DLG2: variants seen among roughly 807,000 people sequenced by gnomAD.
DLG2 encodes disks large homolog 2.
DLG2 carries 45 observed loss-of-function variants against 132.5 expected under a neutral mutation model. That is an observed-to-expected ratio of 0.34 (90% confidence interval 0.27 to 0.44). The LOEUF is 0.44. DLG2 is among the 20% of genes least tolerant of loss of function. The pLI, the probability that DLG2 is intolerant of heterozygous loss-of-function variation, is 1.00. For missense variants in DLG2, 1,045 were observed against 1,196.9 expected (o/e 0.87, Z 1.87); for synonymous variants, 424 against 419.6 (o/e 1.01, Z -0.13).
intron 18 of DLG2, among the ~76,000 whole-genome samples, chr11:83,772,975 A>G (rs957812343): frequency 2.0e-5 from 3 of 152,226 alleles, no homozygotes; most frequent in Admixed American, 2.0e-4. Context: ...GAACCCACAT[A>G]TTATGTTAGC....
intron 6 of DLG2, among the ~76,000 whole-genome samples, chr11:85,010,100 G>T (rs924183850): frequency 2.6e-5 from 4 of 152,156 alleles, no homozygotes; most frequent in Middle Eastern, 3.4e-3. Context: ...TTGGAGGAAC[G>T]GAGCCAAAAC....
intron 6 of DLG2, among the ~76,000 whole-genome samples, chr11:84,738,615 G>C (rs1419678474): frequency 2.0e-5 from 3 of 152,134 alleles, no homozygotes; most frequent in Admixed American, 2.0e-4. Context: ...TAAAACTTGG[G>C]AGTTTAACAA....
intron 6 of DLG2, among the ~76,000 whole-genome samples, chr11:84,692,729 C>G (rs138389928): frequency 6.6e-6 from 1 of 151,634 alleles, no homozygotes; most frequent in Admixed American, 6.6e-5. Context: ...TGATTCTTAA[C>G]CAGGCTTCAC....
At chr11:83,855,887 T>C (rs1470940757) in intron 16 of DLG2, among the ~76,000 whole-genome samples, 1 of 152,028 alleles carries the variant, frequency 6.6e-6, no homozygotes, top group Non-Finnish European at 1.5e-5. Flanking sequence ...ATAGGTAAAC[T>C]TGTTTGTTGT....
At chr11:84,078,145 C>T (rs2096853355) in intron 10 of DLG2, among the ~76,000 whole-genome samples, 1 of 152,012 alleles carries the variant, frequency 6.6e-6, no homozygotes, top group African/African-American at 2.4e-5. Context: ...CAAAATCAGT[C>T]CATGTTTCCA....
chr11:84,590,447 C>T (rs916426882), intron 6 of DLG2, among the ~76,000 whole-genome samples: 1 of 152,254 alleles, frequency 6.6e-6, no homozygotes, highest in South Asian at 2.1e-4. Context: ...TTCCTGACAG[C>T]GCCTTCATGC....
At position 85,317,467 on chromosome 11, in the gene DLG2, A is replaced by G. The variant is rs570567478; in HGVS notation, c.41-32102T>C. ...CCTAACCTAGAAAGAAATGAGTAAAAGAAAATTAAAGAATATGCTGTCTAA... is the reference window on the plus strand; with the variant it reads ...CCTAACCTAGAAAGAAATGAGTAAAGGAAAATTAAAGAATATGCTGTCTAA... On this transcript the variant is annotated intron_variant, in intron 3 of 27. Transcript: ENST00000376104. Among the ~76,000 whole-genome samples, 315 of 152,054 alleles carry G rather than the reference A, an allele frequency of 2.1e-3. 2 individuals carry two copies. Among genetic ancestry groups the G allele is most frequent in the Non-Finnish European group, 4.1e-3 (276 of 67,896 alleles).
chr11:85,352,502 G>T (rs1466793877), intron 3 of DLG2, among the ~76,000 whole-genome samples: 3 of 152,036 alleles, frequency 2.0e-5, no homozygotes, highest in African/African-American at 7.2e-5. Flanking sequence ...GTGATGTTAG[G>T]ATTGATTTTA....
Position 84,606,280 on chromosome 11 carries a change from G to A in DLG2, c.358-71549C>T, listed in dbSNP as rs1053305975. Reference sequence around the variant, plus strand: ...ATATTAGGGAAGTGGATAAACCGCAGCATATTCATGGAATTTTATGCGTAC... The same window carrying A: ...ATATTAGGGAAGTGGATAAACCGCAACATATTCATGGAATTTTATGCGTAC... On this transcript the variant is annotated intron_variant, in intron 6 of 27. Coordinates refer to ENST00000376104, the MANE Select transcript of DLG2 (RefSeq NM_001142699.3). Among the ~76,000 whole-genome samples the A allele has an allele frequency of 4.1e-4, 63 of 152,202 alleles. 1 individual carries two copies. Among genetic ancestry groups the A allele is most frequent in the African/African-American group, 1.5e-3 (62 of 41,564 alleles).
chr11:84,071,753 T>A (rs769217973), intron 10 of DLG2, among the ~76,000 whole-genome samples: 1 of 152,176 alleles, frequency 6.6e-6, no homozygotes, highest in Non-Finnish European at 1.5e-5. Flanking sequence ...TTGTCTACAT[T>A]TAAAAAATCC....
chr11:85,460,005 G>A (rs2092554028), intron 3 of DLG2, among the ~76,000 whole-genome samples: 1 of 152,158 alleles, frequency 6.6e-6, no homozygotes, highest in Non-Finnish European at 1.5e-5. Flanking sequence ...TATTGGCAGG[G>A]GCTGACAGAC....
intron 6 of DLG2, among the ~76,000 whole-genome samples, chr11:85,090,053 A>T (rs1034951269): frequency 6.6e-6 from 1 of 152,200 alleles, no homozygotes; most frequent in Non-Finnish European, 1.5e-5. Context: ...ATTATGCATT[A>T]TGGAGCTATG....
Position 85,083,669 on chromosome 11 carries a change from C to G in DLG2, c.357+27992G>C, listed in dbSNP as rs76429890. 6.5e-4 allele frequency among the ~76,000 whole-genome samples: 99 copies of G among 152,160 alleles called. 1 individual carries two copies. Among genetic ancestry groups the G allele is most frequent in the African/African-American group, 2.3e-3 (95 of 41,518 alleles). ...GTAGATTCAAAGATTTTCTGGTTAG[C>G]AATTGGTTTTAAGAGTTTATCTAAA... On this transcript the variant is annotated intron_variant, in intron 6 of 27. Coordinates refer to ENST00000376104, the MANE Select transcript of DLG2 (RefSeq NM_001142699.3).
Position 85,427,232 on chromosome 11 carries a change from T to C in DLG2, c.41-141867A>G, listed in dbSNP as rs2090825888. Among the ~76,000 whole-genome samples the C allele has an allele frequency of 2.0e-5, 3 of 152,112 alleles. No homozygotes were observed. In the South Asian group the frequency reaches 6.2e-4, roughly 32 times the overall value. ...ATATTATCCAGGAGAACTTCCCCAA[T>C]CTAGCAAGGCAGGCCAACATTCAAA... On this transcript the variant is annotated intron_variant, in intron 3 of 27. Coordinates refer to ENST00000376104, the MANE Select transcript of DLG2 (RefSeq NM_001142699.3).
chr11:84,788,987 T>G (rs2073387620), intron 6 of DLG2, among the ~76,000 whole-genome samples: 1 of 152,164 alleles, frequency 6.6e-6, no homozygotes. Context: ...AAATCCAGAA[T>G]GAATTCATCC....
chr11:84,494,307 G>C (rs189872743), intron 7 of DLG2, among the ~76,000 whole-genome samples: 1 of 152,270 alleles, frequency 6.6e-6, no homozygotes, highest in East Asian at 1.9e-4. Flanking sequence ...CTGACTGGGG[G>C]AAGAGAAAGA....
At chr11:83,471,873 C>T in intron 23 of DLG2, 146 bp from the exon 24 acceptor site, 1 of 648,164 alleles carries the variant, frequency 1.5e-6, no homozygotes, top group Non-Finnish European at 2.7e-6. Flanking sequence ...TACAGCCTTG[C>T]ATAGGGAAAT....
chr11:85,034,079 T>C (rs1053820568), intron 6 of DLG2, among the ~76,000 whole-genome samples: 1 of 59,842 alleles, frequency 1.7e-5, no homozygotes, highest in Non-Finnish European at 4.0e-5. Context: ...ATATATTAGA[T>C]TTTTTTTTTT....
intron 10 of DLG2, among the ~76,000 whole-genome samples, chr11:84,061,019 G>T (rs2096583180): frequency 2.6e-5 from 4 of 152,126 alleles, no homozygotes; most frequent in Admixed American, 6.5e-5. Flanking sequence ...CAGTGAACAT[G>T]GTTGGTTTGC....
Sources: gnomAD v4.1 joint callset for allele counts (sites outside exome capture counted in the v4.1 genomes callset) on GRCh38, gnomAD v4.1.1 for gene constraint, MANE v1.5 for transcripts, NCBI Gene and HGNC (gene_info 2026-07-23, HGNC 2026-07-21) for gene names.